Variants in INSR observed in about 807,000 individuals in gnomAD.
INSR encodes the protein IR.
INSR carries 67 observed loss-of-function variants against 142.6 expected under a neutral mutation model. The observed-to-expected ratio is 0.47, with a 90% CI of 0.39 to 0.58. The LOEUF (loss-of-function observed/expected upper bound fraction) is 0.58, where lower values mean the gene tolerates loss of function less well. INSR is among the 20% of genes least tolerant of loss of function. INSR has a pLI of 0.00. For missense variants in INSR, 1,248 were observed against 1,833.2 expected (o/e 0.68, Z 5.83); for synonymous variants, 756 against 743.1 (o/e 1.02, Z -0.28).
intron 2 of INSR, among the ~76,000 whole-genome samples, chr19:7,234,840 C>T (rs554049552): frequency 5.9e-5 from 9 of 151,806 alleles, no homozygotes; most frequent in African/African-American, 1.9e-4. Flanking sequence ...CGGGTGGACA[C>T]GAGGTCAGGA....
At chr19:7,163,996 G>T (rs1973828285) in intron 8 of INSR, among the ~76,000 whole-genome samples, 1 of 146,710 alleles carries the variant, frequency 6.8e-6, no homozygotes, top group Non-Finnish European at 1.5e-5. Flanking sequence ...CTTCCTGGGA[G>T]GCTGAGGCAG....
At chr19:7,249,928 G>T (rs1488653478) in intron 2 of INSR, among the ~76,000 whole-genome samples, 1 of 151,926 alleles carries the variant, frequency 6.6e-6, no homozygotes, top group Non-Finnish European at 1.5e-5. Flanking sequence ...AGAGGTGGAG[G>T]TTACAGACAG....
chr19:7,119,815 CAT>C lies in INSR; in HGVS notation c.3660-234_3660-233del, dbSNP rs1284202982. Among the ~76,000 whole-genome samples the C allele has an allele frequency of 2.9e-4, 31 of 107,606 alleles. No individual in the cohort carries two copies. Among genetic ancestry groups the C allele is most frequent in the Admixed American group, 6.4e-4 (6 of 9,384 alleles). The allele number at this position is 107,606 out of a possible 152,430, so 70.6% of individuals were successfully genotyped here. On this transcript the variant is annotated intron_variant, in intron 20 of 21. Coordinates refer to ENST00000302850, the MANE Select transcript of INSR (RefSeq NM_000208.4). This position sits in a 1 kb window ranked among gnomAD's most constrained non-coding sequence, Gnocchi z 5.2. Reference sequence around the variant, plus strand: ...ACACAAATATGCAAACACACAAACACATATACACACACAAACACACACACCCA... The same window carrying C: ...ACACAAATATGCAAACACACAAACACATACACACACAAACACACACACCCA...
chr19:7,165,484 G>A (rs1973868516), intron 8 of INSR, among the ~76,000 whole-genome samples: 1 of 152,108 alleles, frequency 6.6e-6, no homozygotes, highest in Non-Finnish European at 1.5e-5. Context: ...TTCATAATAG[G>A]ATGAAAAATA....
intron 1 of INSR, among the ~76,000 whole-genome samples, chr19:7,285,188 C>T (rs1029016905): frequency 1.3e-5 from 2 of 152,040 alleles, no homozygotes; most frequent in Admixed American, 6.6e-5. Flanking sequence ...CAGTGGCTCG[C>T]GCCTGTAATC....
At chr19:7,182,560 AT>A (rs1953158637) in intron 3 of INSR, among the ~76,000 whole-genome samples, 1 of 152,170 alleles carries the variant, frequency 6.6e-6, no homozygotes, top group East Asian at 1.9e-4. Context: ...AAAAATATTA[AT>A]TTTTTTAAAC....
At chr19:7,153,048 C>CCACACA (rs1973434097) in intron 9 of INSR, 121 bp from the exon 10 acceptor site, 1 of 312,790 alleles carries the variant, frequency 3.2e-6, no homozygotes, top group Admixed American at 8.7e-5. Flanking sequence ...ACACCACACA[C>CCACACA]CCCCCCACAC....
In INSR at chr19:7,163,093, C is replaced by T. The variant is rs746902553; in HGVS notation, c.1968G>A (p.Leu656=). The change falls in exon 9 of 22, where the codon CTG becomes CTA. Residue 656 remains leucine (L), a synonymous_variant. Coordinates refer to ENST00000302850, the MANE Select transcript of INSR (RefSeq NM_000208.4). ...SDPNGNITHY[L]VFWERQAEDS... The stretch of plus-strand genomic sequence containing the variant: ...CTTCCGCCTGCCTCTCCCAGAAAAC[C>T]AGGTAGTGGGTGATGTTGCCATTGG... 2.5e-5 allele frequency: 40 copies of T among 1,613,910 alleles called. No homozygotes were observed. The African/African-American group carries it at 5.1e-4, about 20-fold the overall frequency.
chr19:7,172,493 A>T, intron 4 of INSR, 59 bp from the exon 5 acceptor site: 2 of 1,565,826 alleles, frequency 1.3e-6, no homozygotes, highest in South Asian at 2.2e-5. Context: ...TCTTCTCATG[A>T]TTCTCCATGG....
chr19:7,282,725 G>A (rs1324713622), intron 1 of INSR, among the ~76,000 whole-genome samples: 10 of 151,462 alleles, frequency 6.6e-5, no homozygotes, highest in East Asian at 3.9e-4. Flanking sequence ...AGTGGCTCAC[G>A]CCTGTAATCC....
At chr19:7,289,730 G>C (rs959389841) in intron 1 of INSR, among the ~76,000 whole-genome samples, 26 of 152,088 alleles carry the variant, frequency 1.7e-4, no homozygotes, top group Non-Finnish European at 2.6e-4. Flanking sequence ...AAAGAGAGGA[G>C]AAAGAGCAAG....
At chr19:7,187,273 G>C (rs1278647499) in intron 2 of INSR, among the ~76,000 whole-genome samples, 1 of 151,610 alleles carries the variant, frequency 6.6e-6, no homozygotes, top group African/African-American at 2.4e-5. Context: ...GTAGAGACGG[G>C]GTTTCACCGT....
At chr19:7,142,763 G>A in intron 12 of INSR, 53 bp downstream of exon 12, 1 of 1,602,834 alleles carries the variant, frequency 6.2e-7, no homozygotes, top group Non-Finnish European at 8.5e-7. Context: ...TCTGTCCTTG[G>A]TCAGCCTTGA....
intron 9 of INSR, among the ~76,000 whole-genome samples, chr19:7,161,961 T>C (rs994379904): frequency 1.3e-5 from 2 of 151,938 alleles, no homozygotes; most frequent in African/African-American, 4.8e-5. Context: ...GGGGGGTGAA[T>C]TGCTTGAAGC....
chr19:7,237,641 C>T (rs1168783580), intron 2 of INSR, among the ~76,000 whole-genome samples: 3 of 151,808 alleles, frequency 2.0e-5, no homozygotes, highest in African/African-American at 4.8e-5. Context: ...TGGTGAAATC[C>T]CGTCTCTATT....
chr19:7,192,160 G>C lies in INSR; in HGVS notation c.653-7523C>G, dbSNP rs1177844416. Among the ~76,000 whole-genome samples, 3 of 112,710 alleles carry C rather than the reference G, an allele frequency of 2.7e-5. No homozygotes were observed. Among genetic ancestry groups the C allele is most frequent in the East Asian group, 4.6e-4 (2 of 4,376 alleles). 73.9% of individuals were successfully genotyped at this position (112,710 alleles called of 152,430 possible). Reference sequence around the variant, plus strand: ...AAGATAAGAGAGAGAGAAAGAGAAAGAAAAAGAAAGACAGAGAAAGAAAAG... The same window carrying C: ...AAGATAAGAGAGAGAGAAAGAGAAACAAAAAGAAAGACAGAGAAAGAAAAG... On this transcript the variant is annotated intron_variant, in intron 2 of 21. Coordinates refer to ENST00000302850, the MANE Select transcript of INSR (RefSeq NM_000208.4). The surrounding 1 kb of genome is among the most constrained non-coding windows in gnomAD (Gnocchi z 4.2).
At chr19:7,239,338 G>T (rs1308108373) in intron 2 of INSR, among the ~76,000 whole-genome samples, 1 of 151,166 alleles carries the variant, frequency 6.6e-6, no homozygotes, top group African/African-American at 2.4e-5. Context: ...GGAGGAAGAG[G>T]TAGGAAGACA....
intron 13 of INSR, among the ~76,000 whole-genome samples, chr19:7,132,782 G>A (rs2144833918): frequency 1.3e-5 from 2 of 151,968 alleles, no homozygotes; most frequent in Non-Finnish European, 2.9e-5. Flanking sequence ...GTAAAGACAG[G>A]GTTTTACCAT....
At chr19:7,205,337 G>C (rs949769818) in intron 2 of INSR, among the ~76,000 whole-genome samples, 1 of 152,204 alleles carries the variant, frequency 6.6e-6, no homozygotes. Flanking sequence ...TGAAACGCCC[G>C]GGTTGTTAAT....
Sources: gnomAD v4.1 joint callset for allele counts (sites outside exome capture counted in the v4.1 genomes callset) on GRCh38, gnomAD v4.1.1 for gene constraint, Gnocchi (gnomAD v3.1) non-coding constraint, MANE v1.5 for transcripts, NCBI Gene and HGNC (gene_info 2026-07-23, HGNC 2026-07-21) for gene names.